Variants in LRRC4C observed in about 807,000 individuals in gnomAD.
LRRC4C encodes the protein leucine rich repeat containing 4C, also known as leucine-rich repeat-containing protein 4C.
LRRC4C carries 5 observed loss-of-function variants against 33.6 expected under a neutral mutation model. That is an observed-to-expected ratio of 0.15 (90% CI 0.08 to 0.31). LRRC4C has a LOEUF of 0.31. Among genes scored for constraint, LRRC4C ranks in the 10% least tolerant of loss-of-function variants. The pLI, the probability that LRRC4C is intolerant of heterozygous loss-of-function variation, is 1.00. For synonymous variants in LRRC4C, 329 were observed against 302.0 expected (o/e 1.09, Z -0.93); for missense variants, 560 against 796.7 (o/e 0.70, Z 3.58).
chr11:40,619,632 G>A (rs767775514), intron 3 of LRRC4C, among the ~76,000 whole-genome samples: 2 of 151,482 alleles, frequency 1.3e-5, no homozygotes, highest in Admixed American at 1.3e-4. Context: ...CCTAAATCCC[G>A]TAGATCAATT....
At chr11:41,205,760 A>T (rs886622394) in intron 1 of LRRC4C, among the ~76,000 whole-genome samples, 2 of 152,206 alleles carry the variant, frequency 1.3e-5, no homozygotes, top group African/African-American at 4.8e-5. Flanking sequence ...TTTCCAGTAC[A>T]TTAGCAAACT....
chr11:41,226,844 T>A (rs1487989487), intron 1 of LRRC4C, among the ~76,000 whole-genome samples: 1 of 151,838 alleles, frequency 6.6e-6, no homozygotes, highest in African/African-American at 2.4e-5. Flanking sequence ...ATAGTCCACA[T>A]CTGCAGTCTC....
intron 4 of LRRC4C, among the ~76,000 whole-genome samples, chr11:40,291,030 A>G (rs1944158366): frequency 6.6e-6 from 1 of 152,118 alleles, no homozygotes; most frequent in South Asian, 2.1e-4. Context: ...CTGTTTGGCC[A>G]TTAATGAAAG....
At chr11:41,063,073 T>C (rs1362374768) in intron 1 of LRRC4C, among the ~76,000 whole-genome samples, 1 of 152,202 alleles carries the variant, frequency 6.6e-6, no homozygotes, top group Non-Finnish European at 1.5e-5. Context: ...TATATAATGA[T>C]TGCATTAGTT....
chr11:41,302,866 A>AT (rs1310483261), intron 1 of LRRC4C, among the ~76,000 whole-genome samples: 1 of 151,990 alleles, frequency 6.6e-6, no homozygotes, highest in Non-Finnish European at 1.5e-5. Flanking sequence ...GCATCGTTTC[A>AT]TTTTCTCTTC....
At chr11:40,615,901 C>T (rs1313298599) in intron 3 of LRRC4C, among the ~76,000 whole-genome samples, 5 of 151,690 alleles carry the variant, frequency 3.3e-5, no homozygotes, top group Non-Finnish European at 7.4e-5. Flanking sequence ...AGAAAATCTG[C>T]TCACGGTAAT....
At chr11:40,691,021 A>T (rs911059520) in intron 2 of LRRC4C, among the ~76,000 whole-genome samples, 1 of 152,118 alleles carries the variant, frequency 6.6e-6, no homozygotes, top group East Asian at 1.9e-4. Flanking sequence ...ACATCTACCT[A>T]CAACCTGCTT....
chr11:40,262,581 C>A (rs965708147), intron 4 of LRRC4C, among the ~76,000 whole-genome samples: 1 of 152,234 alleles, frequency 6.6e-6, no homozygotes, highest in South Asian at 2.1e-4. Context: ...TGGAACCAAC[C>A]AAAATGCCCA....
intron 1 of LRRC4C, among the ~76,000 whole-genome samples, chr11:41,268,497 T>G (rs535906232): frequency 1.3e-5 from 2 of 152,302 alleles, no homozygotes; most frequent in Non-Finnish European, 1.5e-5. Flanking sequence ...CTATCATGCT[T>G]ACTTAGCAAC....
At chr11:40,497,595 C>A (rs915228378) in intron 3 of LRRC4C, among the ~76,000 whole-genome samples, 1 of 152,062 alleles carries the variant, frequency 6.6e-6, no homozygotes, top group Non-Finnish European at 1.5e-5. Flanking sequence ...AGAAATGTGA[C>A]CATGCTACAC....
At chr11:41,337,949 G>C (rs1442301376) in intron 1 of LRRC4C, among the ~76,000 whole-genome samples, 1 of 152,106 alleles carries the variant, frequency 6.6e-6, no homozygotes, top group Non-Finnish European at 1.5e-5. Context: ...CAACATGACT[G>C]ATCATTAGAG....
intron 1 of LRRC4C, among the ~76,000 whole-genome samples, chr11:41,214,575 C>CAAAAAAAAAAAAA (rs547167050): frequency 3.5e-4 from 12 of 34,738 alleles, no homozygotes; most frequent in African/African-American, 9.5e-4. Context: ...ACTAAAAATA[C>CAAAAAAAAAAAAA]AAAAAAAAAA....
intron 1 of LRRC4C, among the ~76,000 whole-genome samples, chr11:41,274,216 C>T (rs1242965040): frequency 6.6e-6 from 1 of 152,088 alleles, no homozygotes; most frequent in Non-Finnish European, 1.5e-5. Context: ...GCAGAGGAGG[C>T]ACTTCGAGTT....
intron 1 of LRRC4C, among the ~76,000 whole-genome samples, chr11:41,323,555 T>G (rs1327187357): frequency 1.3e-5 from 2 of 152,200 alleles, no homozygotes; most frequent in Non-Finnish European, 2.9e-5. Context: ...AAATCTGAAA[T>G]ACATTACAAA....
chr11:40,863,930 C>T (rs1163922773), intron 2 of LRRC4C, among the ~76,000 whole-genome samples: 1 of 151,536 alleles, frequency 6.6e-6, no homozygotes, highest in African/African-American at 2.4e-5. Flanking sequence ...GCAAACATTG[C>T]ATGTTCTCCT....
rs534492731 is a variant in LRRC4C, at chr11:40,974,348, G to T, written c.-495-40625C>A. ...AATTTAGTACATTTCTATTTCCAGGGTTATATTATGTTTTACTGGCTGATG... is the reference window on the plus strand; with the variant it reads ...AATTTAGTACATTTCTATTTCCAGGTTTATATTATGTTTTACTGGCTGATG... On this transcript the variant is annotated intron_variant, in intron 1 of 6. Coordinates refer to ENST00000528697, the MANE Select transcript of LRRC4C (RefSeq NM_001258419.2). Among the ~76,000 whole-genome samples the T allele has an allele frequency of 4.6e-5, 7 of 152,154 alleles. No individual in the cohort carries two copies. In the South Asian group the frequency reaches 1.2e-3, roughly 27 times the overall value.
intron 1 of LRRC4C, among the ~76,000 whole-genome samples, chr11:41,118,982 T>G (rs1461980627): frequency 6.6e-6 from 1 of 152,150 alleles, no homozygotes; most frequent in Non-Finnish European, 1.5e-5. Context: ...TTTGTTAAAT[T>G]TAAAAGACAT....
At chr11:40,614,605 A>C (rs758960756) in intron 3 of LRRC4C, among the ~76,000 whole-genome samples, 1 of 151,688 alleles carries the variant, frequency 6.6e-6, no homozygotes, top group African/African-American at 2.4e-5. Flanking sequence ...GTTTGGCACA[A>C]GAGGCTTGGC....
chr11:41,332,714 C>G (rs566961395), intron 1 of LRRC4C, among the ~76,000 whole-genome samples: 1 of 152,120 alleles, frequency 6.6e-6, no homozygotes, highest in African/African-American at 2.4e-5. Flanking sequence ...TTCACTTGTG[C>G]GAACTTTTCT....
Sources: gnomAD v4.1 joint callset for allele counts (sites outside exome capture counted in the v4.1 genomes callset) on GRCh38, gnomAD v4.1.1 for gene constraint, MANE v1.5 for transcripts, NCBI Gene and HGNC (gene_info 2026-07-23, HGNC 2026-07-21) for gene names.